Variants in MPPE1 observed in about 807,000 individuals in gnomAD.
MPPE1 encodes metallophosphoesterase 1.
MPPE1 carries 28 observed loss-of-function variants against 43.8 expected under a neutral mutation model. The observed-to-expected ratio is 0.64, with a 90% confidence interval of 0.47 to 0.88. The LOEUF (loss-of-function observed/expected upper bound fraction) is 0.88, where lower values mean the gene tolerates loss of function less well. Among genes scored for constraint, MPPE1 ranks in the 40% least tolerant of loss-of-function variants. MPPE1 has a pLI of 0.00. For missense variants in MPPE1, 428 were observed against 492.2 expected (o/e 0.87, Z 1.23); for synonymous variants, 159 against 188.5 (o/e 0.84, Z 1.28).
rs567023236 is a variant in MPPE1, at chr18:11,888,346, T to A, written c.569+323A>T. 7.0e-4 allele frequency among the ~76,000 whole-genome samples: 106 copies of A among 152,352 alleles called. 1 individual carries two copies. The highest frequency in any genetic ancestry group is 3.5e-3 in the Admixed American group (53 of 15,312). On this transcript the variant is annotated intron_variant, in intron 6 of 10. Coordinates refer to ENST00000588072, the MANE Select transcript of MPPE1 (RefSeq NM_023075.6). ...ATATTTTGATCAAATAAAGACTCTTTTACAAAGTGGGCTGATGAAATTTGT... is the reference window on the plus strand; with the variant it reads ...ATATTTTGATCAAATAAAGACTCTTATACAAAGTGGGCTGATGAAATTTGT...
rs145895027 is a variant in MPPE1 at position 11,886,762 on chromosome 18, C to T, written c.695G>A (p.Arg232Gln). 803 of 1,613,010 alleles carry T rather than the reference C, an allele frequency of 5.0e-4. 1 individual carries two copies. The highest frequency in any genetic ancestry group is 1.9e-3 in the Admixed American group (111 of 59,908). ...GGGCAGCAGAGGCCCAGGTCCACAC[C>T]GGCTGGAGCCACGTGCCTGCTGGGT... is the stretch of plus-strand genomic sequence containing the variant. ...NCSREARGSS[R>Q]CGPGPLLPTS... Residue 232 changes from arginine to glutamine, a missense_variant, in exon 8 of 11, where the codon CGG becomes CAG. Transcript: ENST00000588072. The surrounding 1 kb of genome is among the most constrained non-coding windows in gnomAD (Gnocchi z 4.1).
chr18:11,891,753 T>A lies in MPPE1; in HGVS notation c.390+1715A>T, dbSNP rs115473763. ...CCTAGGAAATGCCAGTAAGGTTTTT[T>A]GGATTTTTGTTGTGGGGTTTTTTTT... On this transcript the variant is annotated intron_variant, in intron 4 of 10. Transcript: ENST00000588072. Among the ~76,000 whole-genome samples, 1,265 of 152,314 alleles carry A rather than the reference T, an allele frequency of 8.3e-3. 18 individuals are homozygous for A. The highest frequency in any genetic ancestry group is 0.029 in the African/African-American group (1,216 of 41,560).
chr18:11,902,025 C>T (rs2039261805), intron 2 of MPPE1, among the ~76,000 whole-genome samples: 1 of 152,196 alleles, frequency 6.6e-6, no homozygotes, highest in Non-Finnish European at 1.5e-5. Flanking sequence ...TCACTTAGAA[C>T]TTTTGTCACC....
rs528297571 is a variant in MPPE1 at position 11,894,171 on chromosome 18, G to A, written c.282-595C>T. Among the ~76,000 whole-genome samples, 10 of 152,256 alleles carry A rather than the reference G, an allele frequency of 6.6e-5. No individual in the cohort carries two copies. In the South Asian group the frequency reaches 1.7e-3, roughly 25 times the overall value. ...AGGCTGGGTATGGTGGCTCATGCCT[G>A]TAATCCCAGCACTTTGGGAGGCCGA... is the stretch of plus-strand genomic sequence containing the variant. On this transcript the variant is annotated intron_variant, in intron 3 of 10. Transcript: ENST00000588072.
intron 2 of MPPE1, among the ~76,000 whole-genome samples, chr18:11,898,797 T>C (rs1376886699): frequency 6.6e-6 from 1 of 152,064 alleles, no homozygotes; most frequent in Non-Finnish European, 1.5e-5. Context: ...ACAACTCCTA[T>C]TCCCCAGCTC....
rs975050982 is a variant in MPPE1, at chr18:11,886,555, T to A, written c.811A>T (p.Arg271Trp). The A allele has an allele frequency of 6.2e-7, 1 of 1,614,066 alleles. No homozygotes were observed. Among genetic ancestry groups the A allele is most frequent in the Non-Finnish European group, 8.5e-7 (1 of 1,180,022 alleles). ...SGEDAAPAEE[R>W]DIPFKENYDV... is the part of the protein sequence containing the mutation. Reference sequence around the variant, plus strand: ...TAGTTCTCCTTAAATGGGATGTCCCTTTCCTCTGCAGGAGCAGCGTCTTCC... The same window carrying A: ...TAGTTCTCCTTAAATGGGATGTCCCATTCCTCTGCAGGAGCAGCGTCTTCC... Residue 271 changes from arginine (R) to tryptophan (W), a missense_variant, in exon 9 of 11, where the codon AGG (arginine) becomes TGG (tryptophan). Arg to Trp is a moderately radical substitution (Grantham distance 101). Around this residue, in one of 3 missense-constraint regions of MPPE1, gnomAD observed 379 missense variants for 402.5 expected, o/e 0.94. Transcript: ENST00000588072. The surrounding 1 kb of genome is among the most constrained non-coding windows in gnomAD (Gnocchi z 4.1).
intron 2 of MPPE1, among the ~76,000 whole-genome samples, chr18:11,901,746 G>A (rs766844591): frequency 1.3e-5 from 2 of 152,098 alleles, no homozygotes; most frequent in Non-Finnish European, 2.9e-5. Flanking sequence ...GGCTGAGGCA[G>A]GAGAATCGCT....
intron 1 of MPPE1, among the ~76,000 whole-genome samples, chr18:11,907,655 CTTT>C (rs3048186): frequency 0.25 from 28,292 of 112,690 alleles, 3,239 homozygotes; most frequent in South Asian, 0.33. Flanking sequence ...CTACACCTGG[CTTT>C]TTTTTTTTTT....
intron 6 of MPPE1, among the ~76,000 whole-genome samples, chr18:11,888,039 C>A (rs1220289602): frequency 6.6e-6 from 1 of 152,194 alleles, no homozygotes; most frequent in Admixed American, 6.5e-5. Flanking sequence ...CACCTGTTTT[C>A]TCCACCGCGT....
At chr18:11,890,092 G>C (rs192429940) in intron 4 of MPPE1, among the ~76,000 whole-genome samples, 2 of 150,956 alleles carry the variant, frequency 1.3e-5, no homozygotes, top group Non-Finnish European at 3.0e-5. Context: ...ACAGGCGCCC[G>C]CCACCACGCC....
At chr18:11,888,605 C>T (rs969099675) in intron 6 of MPPE1, 64 bp downstream of exon 6, 1 of 957,482 alleles carries the variant, frequency 1.0e-6, no homozygotes. Context: ...GTATGGCAGG[C>T]ACCTTTAAAA....
chr18:11,899,815 C>G (rs1215696297), intron 2 of MPPE1, among the ~76,000 whole-genome samples: 1 of 152,180 alleles, frequency 6.6e-6, no homozygotes, highest in East Asian at 1.9e-4. Context: ...TCATGTCACA[C>G]GTAGGCATGG....
At chr18:11,884,697 G>A (rs2036920794) in intron 10 of MPPE1, 70 bp from the exon 11 acceptor site, 3 of 1,502,606 alleles carry the variant, frequency 2.0e-6, no homozygotes, top group Non-Finnish European at 2.7e-6. Flanking sequence ...CTTAGAAACA[G>A]CAGAGGGAAG....
At chr18:11,904,317 TTA>T (rs1158563256) in intron 2 of MPPE1, among the ~76,000 whole-genome samples, 2 of 120,682 alleles carry the variant, frequency 1.7e-5, no homozygotes, top group African/African-American at 5.1e-5. Flanking sequence ...TTTTATTTAT[TTA>T]TTTATTTTTT....
chr18:11,900,241 G>A (rs1274374729), intron 2 of MPPE1, among the ~76,000 whole-genome samples: 1 of 152,174 alleles, frequency 6.6e-6, no homozygotes, highest in Non-Finnish European at 1.5e-5. Context: ...AGCTACTCAG[G>A]AGGCTGAGGG....
At chr18:11,885,877 C>G (rs2037156689) in intron 9 of MPPE1, 61 bp from the exon 10 acceptor site, 1 of 1,503,414 alleles carries the variant, frequency 6.7e-7, no homozygotes, top group South Asian at 1.3e-5. Flanking sequence ...CAGGCTCTCA[C>G]CGCTCAGCAG....
intron 2 of MPPE1, among the ~76,000 whole-genome samples, chr18:11,898,186 G>A (rs941589746): frequency 2.0e-5 from 3 of 151,934 alleles, no homozygotes; most frequent in South Asian, 2.1e-4. Context: ...CTCATGCCTC[G>A]GCCTCCCAAG....
intron 4 of MPPE1, among the ~76,000 whole-genome samples, chr18:11,892,639 C>T (rs1469353424): frequency 3.3e-5 from 5 of 150,882 alleles, no homozygotes; most frequent in African/African-American, 4.9e-5. Flanking sequence ...CGCCATTGCA[C>T]TCCAGCCTGG....
At chr18:11,888,109 A>G (rs1028996518) in intron 6 of MPPE1, among the ~76,000 whole-genome samples, 5 of 152,216 alleles carry the variant, frequency 3.3e-5, no homozygotes. Flanking sequence ...TACACAGCCC[A>G]GAAAGGATGT....
Sources: allele counts gnomAD v4.1 joint callset (sites outside exome capture counted in the v4.1 genomes callset), GRCh38; gene constraint gnomAD v4.1.1; regional missense constraint gnomAD v4.1.1; non-coding constraint Gnocchi (gnomAD v3.1); transcripts MANE v1.5; gene names NCBI Gene and HGNC (gene_info 2026-07-23, HGNC 2026-07-21).